The following CP variants were observed in gnomAD, a reference collection of about 807,000 sequenced individuals.
CP encodes caeruloplasmin.
Under a neutral mutation model 122.4 loss-of-function variants are expected in CP, and 64 were observed. The ratio of observed to expected loss-of-function variants is 0.52; its 90% CI spans 0.43 to 0.64. CP has a LOEUF of 0.64. CP is among the 30% of genes least tolerant of loss of function. The probability of loss-of-function intolerance (pLI) is 0.00; values close to 1 mark genes in which losing one functional copy is unlikely to be tolerated. For missense variants in CP, 1,167 were observed against 1,284.4 expected, an observed-to-expected ratio of 0.91 and a Z score of 1.40; for synonymous variants, 440 against 436.4, an observed-to-expected ratio of 1.01 and a Z score of -0.10.
At position 149,207,572 on chromosome 3, in the gene CP, C is replaced by A; in HGVS notation, c.827G>T (p.Cys276Phe). 6.2e-7 allele frequency: 1 copy of A among 1,613,974 alleles called. No individual in the cohort carries two copies. Among genetic ancestry groups the A allele is most frequent in the Non-Finnish European group, 8.5e-7 (1 of 1,179,830 alleles). The part of the protein sequence containing the change: ...TFGSLPGLSM[C>F]AEDRVKWYLF... ...GTACCATTTTACTCTGTCTTCAGCA[C>A]ACATGGAGAGTCCTGGGAGACTTCC... The change falls in exon 5 of 19, where the codon TGT (cysteine) becomes TTT (phenylalanine). Residue 276 changes from cysteine (C) to phenylalanine (F), a missense_variant. Cys to Phe is a radical substitution (Grantham distance 205). Transcript: ENST00000264613.
chr3:149,181,035 C>A (rs1378347375), intron 14 of CP, among the ~76,000 whole-genome samples: 1 of 151,162 alleles, frequency 6.6e-6, no homozygotes, highest in Non-Finnish European at 1.5e-5. Flanking sequence ...ATGATTTTAC[C>A]CAGATTATTG....
chr3:149,210,402 G>A lies in CP; in HGVS notation c.395-23C>T, dbSNP rs770983527. The A allele has an allele frequency of 1.4e-5, 22 of 1,597,770 alleles. No homozygotes were observed. The South Asian group carries it at 1.5e-4, about 11-fold the overall frequency. On this transcript the variant is annotated intron_variant, in intron 2 of 18. Coordinates refer to ENST00000264613, the MANE Select transcript of CP (RefSeq NM_000096.4). ...CCCCTAGGAAGCAACATGCAATGAA[G>A]GTGCAAAGTGAATGTGTTTGAACTT...
rs1726453325 is a variant in CP, at chr3:149,190,227, TAGAAATG to T, written c.1714-2032_1714-2026del. ...GGAGAGAACCAAAAAAATACCACAT[TAGAAATG>T]AGAAAGGAATATAACCACATATATA... On this transcript the variant is annotated intron_variant, in intron 9 of 18. Transcript: ENST00000264613. 3.3e-5 allele frequency among the ~76,000 whole-genome samples: 5 copies of T among 152,070 alleles called. No individual in the cohort carries two copies. The South Asian group carries it at 1.0e-3, about 32-fold the overall frequency.
chr3:149,210,247 G>A lies in CP; in HGVS notation c.527C>T (p.Thr176Ile), dbSNP rs745313607. Residue 176 changes from threonine to isoleucine, a missense_variant, in exon 3 of 19, where the codon ACT becomes ATT. Thr to Ile is a moderately conservative substitution (Grantham distance 89). Transcript: ENST00000264613. ...ATCAATGTGGGAATGGTAAATCCTA[G>A]TCACACAATTGCCATCTCCTTCCCC... ...SPGEGDGNCV[T>I]RIYHSHIDAP... 2 of 1,614,068 alleles carry A rather than the reference G, an allele frequency of 1.2e-6. No individual in the cohort carries two copies. Among genetic ancestry groups the A allele is most frequent in the Admixed American group, 1.7e-5 (1 of 60,008 alleles).
chr3:149,183,401 G>A (rs1378486634), intron 13 of CP, 65 bp downstream of exon 13: 3 of 1,535,428 alleles, frequency 2.0e-6, no homozygotes, highest in African/African-American at 2.7e-5. Flanking sequence ...GACATGAATT[G>A]ACGGTTACTG....
At chr3:149,217,238 G>T (rs1245727302) in intron 1 of CP, among the ~76,000 whole-genome samples, 3 of 152,082 alleles carry the variant, frequency 2.0e-5, no homozygotes, top group Non-Finnish European at 4.4e-5. Context: ...CTTGGAGAAT[G>T]AGTCATTTAA....
chr3:149,206,227 C>G lies in CP; in HGVS notation c.1149G>C (p.Trp383Cys), dbSNP rs772867888. 6.8e-6 allele frequency: 11 copies of G among 1,614,020 alleles called. No individual in the cohort carries two copies. Among genetic ancestry groups the G allele is most frequent in the Non-Finnish European group, 8.5e-6 (10 of 1,179,906 alleles). Residue 383 changes from tryptophan (W) to cysteine (C), a missense_variant, in exon 6 of 19, where the codon TGG (tryptophan) becomes TGC (cysteine). Transcript: ENST00000264613. ...HYYIAAEEIIWNYAPSGIDIF... is the reference protein window; with the variant it reads ...HYYIAAEEIICNYAPSGIDIF... ...TGTCTATACCAGAGGGAGCATAGTT[C>G]CAGATGATTTCCTCAGCGGCAATGT...
intron 8 of CP, among the ~76,000 whole-genome samples, chr3:149,198,810 C>A (rs931793980): frequency 6.6e-6 from 1 of 152,204 alleles, no homozygotes; most frequent in African/African-American, 2.4e-5. Flanking sequence ...GCTCACACAT[C>A]TTCCGGGAAT....
At chr3:149,167,416 G>A (rs569572728) in intron 4 of CP, among the ~76,000 whole-genome samples, 59 of 151,746 alleles carry the variant, frequency 3.9e-4, no homozygotes, top group Non-Finnish European at 7.7e-4. Flanking sequence ...ATTAAATGCT[G>A]TTAAAATATA....
At chr3:149,219,386 C>T (rs756401800) in intron 1 of CP, among the ~76,000 whole-genome samples, 9 of 152,078 alleles carry the variant, frequency 5.9e-5, no homozygotes, top group Non-Finnish European at 8.8e-5. Context: ...TGTAATAATC[C>T]CCACATGTCA....
At position 149,207,526 on chromosome 3, in the gene CP, T is replaced by G; in HGVS notation, c.873A>C (p.Glu291Asp). 1 of 1,614,042 alleles carries G rather than the reference T, an allele frequency of 6.2e-7. No homozygotes were observed. Among genetic ancestry groups the G allele is most frequent in the Non-Finnish European group, 8.5e-7 (1 of 1,179,902 alleles). ...VKWYLFGMGN[E>D]VDVHAAFFHG... ...GAAAGAAAGCTGCGTGCACATCAAC[T>G]TCATTACCCATACCAAAAAGGTACC... is the stretch of plus-strand genomic sequence containing the variant. The change falls in exon 5 of 19, where the codon GAA (glutamate) becomes GAC (aspartate). Residue 291 changes from glutamate (E) to aspartate (D), a missense_variant. Coordinates refer to ENST00000264613, the MANE Select transcript of CP (RefSeq NM_000096.4).
chr3:149,216,001 A>C (rs913769151), intron 1 of CP, among the ~76,000 whole-genome samples: 4 of 152,208 alleles, frequency 2.6e-5, no homozygotes, highest in Non-Finnish European at 4.4e-5. Context: ...TAATAATGCT[A>C]TTCCCTCCCA....
intron 17 of CP, among the ~76,000 whole-genome samples, chr3:149,177,166 G>T (rs1191600421): frequency 6.6e-6 from 1 of 152,060 alleles, no homozygotes; most frequent in Non-Finnish European, 1.5e-5. Context: ...CTCACCATGG[G>T]CCATTTAAGA....
chr3:149,165,509 C>T (rs114666437), intron 5 of CP, among the ~76,000 whole-genome samples: 2,958 of 151,626 alleles, frequency 0.02, 56 homozygotes, highest in African/African-American at 0.051. Flanking sequence ...GAGACAGTCT[C>T]ACTCTATTGC....
At chr3:149,212,822 T>C in intron 1 of CP, 124 bp from the exon 2 acceptor site, 1 of 1,217,726 alleles carries the variant, frequency 8.2e-7, no homozygotes, top group Admixed American at 2.3e-5. Context: ...TGTTTGCCTG[T>C]TGTAGGGATG....
intron 18 of CP, among the ~76,000 whole-genome samples, chr3:149,175,422 C>T (rs1351306077): frequency 6.6e-6 from 1 of 152,078 alleles, no homozygotes. Flanking sequence ...AAAGGTTAAC[C>T]TTTCAGGGCT....
At chr3:149,167,305 C>A in intron 4 of CP, 1 of 1,286,518 alleles carries the variant, frequency 7.8e-7, no homozygotes, top group Non-Finnish European at 1.1e-6. Flanking sequence ...AACCTCATTT[C>A]CTTTCCTGCA....
chr3:149,171,187 A>G (rs1724952204), downstream of CP, among the ~76,000 whole-genome samples: 1 of 152,094 alleles, frequency 6.6e-6, no homozygotes, highest in Non-Finnish European at 1.5e-5. Context: ...CTGAGGCAGG[A>G]GAATCTCTTG....
intron 6 of CP, among the ~76,000 whole-genome samples, chr3:149,202,883 A>G (rs1476117089): frequency 7.2e-6 from 1 of 138,450 alleles, no homozygotes; most frequent in Non-Finnish European, 1.5e-5. Flanking sequence ...TGCTGGGATT[A>G]CAGGCATGAG....
Sources: gnomAD v4.1 joint callset for allele counts (sites outside exome capture counted in the v4.1 genomes callset) on GRCh38, gnomAD v4.1.1 for gene constraint, MANE v1.5 for transcripts, NCBI Gene and HGNC (gene_info 2026-07-23, HGNC 2026-07-21) for gene names.